ZNF462: variants seen among roughly 807,000 people sequenced by gnomAD.
ZNF462 encodes zinc finger protein 462.
In ZNF462, 10 loss-of-function variants were observed where a neutral mutation model predicts 201.9. The observed-to-expected ratio is 0.05, with a 90% CI of 0.03 to 0.08. The LOEUF (loss-of-function observed/expected upper bound fraction) is 0.08. Among genes scored for constraint, ZNF462 ranks in the 10% least tolerant of loss-of-function variants. The pLI is 1.00. For synonymous variants in ZNF462, 1,227 were observed against 1,193.3 expected (o/e 1.03, Z -0.58); for missense variants, 2,523 against 3,168.3 (o/e 0.80, Z 4.89).
In ZNF462 at chr9:106,929,804, C is replaced by G; in HGVS notation, c.5847+45C>G. The G allele has an allele frequency of 6.6e-7, 1 of 1,524,604 alleles. No homozygotes were observed. Among genetic ancestry groups the G allele is most frequent in the Non-Finnish European group, 8.9e-7 (1 of 1,122,712 alleles). 94.4% of individuals were successfully genotyped at this position (1,524,604 alleles called of 1,614,324 possible). A position where few individuals can be genotyped will look rare whatever the true frequency, so the allele number is the denominator to read the frequency against. The stretch of plus-strand genomic sequence containing the variant: ...TCCCTTCCCCCAGGAGGCCTCTCAT[C>G]ACTGGTGCCCACATGCACTTCTTCG... On this transcript the variant is annotated intron_variant, in intron 3 of 12. Coordinates refer to ENST00000277225, the MANE Select transcript of ZNF462 (RefSeq NM_021224.6). This position sits in a 1 kb window ranked among gnomAD's most constrained non-coding sequence, Gnocchi z 8.7.
intron 1 of ZNF462, among the ~76,000 whole-genome samples, chr9:106,900,600 C>T (rs116417928): frequency 0.012 from 1,843 of 152,154 alleles, 31 homozygotes; most frequent in African/African-American, 0.042. Flanking sequence ...AGTAAGATGG[C>T]ATTGCATTGT....
At position 106,981,005 on chromosome 9, in the gene ZNF462, C is replaced by T. The variant is rs1827387402; in HGVS notation, c.6833-3181C>T. On this transcript the variant is annotated intron_variant, in intron 9 of 12. Coordinates refer to ENST00000277225, the MANE Select transcript of ZNF462 (RefSeq NM_021224.6). This position sits in a 1 kb window ranked among gnomAD's most constrained non-coding sequence, Gnocchi z 4.0. ...AGAATGAATGACCTCATTCAGAAAA[C>T]ACTGTCAGTCATTTGCCCACCTTTT... is the stretch of plus-strand genomic sequence containing the variant. Among the ~76,000 whole-genome samples the T allele has an allele frequency of 6.6e-6, 1 of 152,192 alleles. No individual in the cohort carries two copies.
intron 6 of ZNF462, among the ~76,000 whole-genome samples, chr9:106,936,166 A>G (rs1334241414): frequency 1.3e-5 from 2 of 152,184 alleles, no homozygotes; most frequent in African/African-American, 2.4e-5. Context: ...TACTCATTAG[A>G]AAAAATTGGA....
At chr9:106,951,818 T>C (rs145180961) in intron 7 of ZNF462, among the ~76,000 whole-genome samples, 2 of 151,776 alleles carry the variant, frequency 1.3e-5, no homozygotes, top group Non-Finnish European at 2.9e-5. Flanking sequence ...AGATGTTCCA[T>C]GGAACCTCTT....
chr9:106,990,635 A>G (rs1316375021), intron 10 of ZNF462, among the ~76,000 whole-genome samples: 2 of 151,832 alleles, frequency 1.3e-5, no homozygotes, highest in Admixed American at 6.6e-5. Context: ...TCTCTTCCTC[A>G]TGGTTGACCA....
Position 106,932,344 on chromosome 9 carries a change from G to A in ZNF462, c.6013-102G>A, listed in dbSNP as rs1830458482. ...CGCCAGTGGCGCCCTGGTGGGCCGG[G>A]TGGATGGTGAACACTGCTTGCTTGA... On this transcript the variant is annotated intron_variant, in intron 4 of 12. Transcript: ENST00000277225. This position sits in a 1 kb window ranked among gnomAD's most constrained non-coding sequence, Gnocchi z 6.8. 1.9e-6 allele frequency: 3 copies of A among 1,576,830 alleles called. No individual in the cohort carries two copies. The highest frequency in any genetic ancestry group is 3.7e-5 in the Admixed American group (2 of 54,006).
At chr9:106,945,878 GCAA>G (rs1831083062) in intron 7 of ZNF462, among the ~76,000 whole-genome samples, 1 of 152,196 alleles carries the variant, frequency 6.6e-6, no homozygotes, top group Non-Finnish European at 1.5e-5. Flanking sequence ...TGCCTCAGTG[GCAA>G]AGAGCAACCC....
chr9:106,864,799 GT>G (rs1047623693), intron 1 of ZNF462, among the ~76,000 whole-genome samples: 9 of 152,162 alleles, frequency 5.9e-5, no homozygotes, highest in African/African-American at 2.2e-4. Flanking sequence ...TGTGTTGGCT[GT>G]TTGGTTTGCT....
At position 106,930,745 on chromosome 9, in the gene ZNF462, T is replaced by C; in HGVS notation, c.6012+56T>C. 6.3e-7 allele frequency: 1 copy of C among 1,597,414 alleles called. No homozygotes were observed. On this transcript the variant is annotated intron_variant, in intron 4 of 12. Transcript: ENST00000277225. The surrounding 1 kb of genome is among the most constrained non-coding windows in gnomAD (Gnocchi z 5.8). ...TGTGTGAGCGATTCGAGTTACTTAT[T>C]AACCCCATTGCCTAAAGCAGCTCAG...
intron 1 of ZNF462, among the ~76,000 whole-genome samples, chr9:106,884,724 G>GT (rs1001587998): frequency 6.6e-6 from 1 of 152,042 alleles, no homozygotes; most frequent in Non-Finnish European, 1.5e-5. Context: ...TACATTTTTG[G>GT]TTTTTTTGTT....
intron 11 of ZNF462, among the ~76,000 whole-genome samples, chr9:107,007,344 A>G (rs1323934463): frequency 6.6e-6 from 1 of 152,184 alleles, no homozygotes; most frequent in Non-Finnish European, 1.5e-5. Context: ...CCTACTTGGC[A>G]GCCCCCTTTT....
In ZNF462 at chr9:106,865,597, G is replaced by A. The variant is rs540224715; in HGVS notation, c.-31+2242G>A. 3.3e-5 allele frequency among the ~76,000 whole-genome samples: 5 copies of A among 152,132 alleles called. No homozygotes were observed. The highest frequency in any genetic ancestry group is 7.4e-5 in the Non-Finnish European group (5 of 68,018). On this transcript the variant is annotated intron_variant, in intron 1 of 12. Coordinates refer to ENST00000277225, the MANE Select transcript of ZNF462 (RefSeq NM_021224.6). The surrounding 1 kb of genome is among the most constrained non-coding windows in gnomAD (Gnocchi z 4.1). ...CATTTGTATGTTAGGCCTTCTTTCA[G>A]TTTCTTTGTTTCCCCTTTCCCTTTC... is the stretch of plus-strand genomic sequence containing the variant.
At chr9:106,971,934 CAG>C in intron 7 of ZNF462, 69 bp from the exon 8 acceptor site, 2 of 1,528,408 alleles carry the variant, frequency 1.3e-6, no homozygotes, top group South Asian at 1.3e-5. Flanking sequence ...AACCTGATGT[CAG>C]GGGTTTTCAA....
intron 7 of ZNF462, among the ~76,000 whole-genome samples, chr9:106,947,611 T>C (rs1342216290): frequency 6.6e-6 from 1 of 152,244 alleles, no homozygotes; most frequent in African/African-American, 2.4e-5. Flanking sequence ...GCCTTAAATA[T>C]GTCATCTGCT....
At position 106,977,563 on chromosome 9, in the gene ZNF462, A is replaced by G. The variant is rs147262449; in HGVS notation, c.6832+3290A>G. ...GCAAAAGAGAGTATGATGTTTACTCATGTGTTCAGCAAACATTCATTATTT... is the reference window on the plus strand; with the variant it reads ...GCAAAAGAGAGTATGATGTTTACTCGTGTGTTCAGCAAACATTCATTATTT... On this transcript the variant is annotated intron_variant, in intron 9 of 12. Transcript: ENST00000277225. This position sits in a 1 kb window ranked among gnomAD's most constrained non-coding sequence, Gnocchi z 4.6. 1.5e-3 allele frequency among the ~76,000 whole-genome samples: 230 copies of G among 151,732 alleles called. 12 individuals carry two copies. The highest frequency in any genetic ancestry group is 5.4e-3 in the African/African-American group (222 of 41,006).
intron 7 of ZNF462, among the ~76,000 whole-genome samples, chr9:106,949,316 T>G (rs748506376): frequency 7.2e-5 from 11 of 152,194 alleles, no homozygotes; most frequent in Non-Finnish European, 1.0e-4. Context: ...CAATAGATAT[T>G]TCTTAAATTG....
At chr9:106,991,241 A>C (rs1220396596) in intron 10 of ZNF462, among the ~76,000 whole-genome samples, 1 of 152,062 alleles carries the variant, frequency 6.6e-6, no homozygotes, top group Non-Finnish European at 1.5e-5. Flanking sequence ...TACAAAAATC[A>C]GTTATGTTTC....
Position 107,009,805 on chromosome 9 carries a change from G to A in ZNF462, c.7313+137G>A. On this transcript the variant is annotated intron_variant, in intron 12 of 12. Coordinates refer to ENST00000277225, the MANE Select transcript of ZNF462 (RefSeq NM_021224.6). The surrounding 1 kb of genome is among the most constrained non-coding windows in gnomAD (Gnocchi z 6.1). Reference sequence around the variant, plus strand: ...TCTGGGCCGTGGGAGGAGAGGCAATGGTGAGGAACCAAGTTTCTCCTTTTC... The same window carrying A: ...TCTGGGCCGTGGGAGGAGAGGCAATAGTGAGGAACCAAGTTTCTCCTTTTC... The A allele has an allele frequency of 1.6e-6, 2 of 1,274,788 alleles. No homozygotes were observed. Among genetic ancestry groups the A allele is most frequent in the Non-Finnish European group, 2.1e-6 (2 of 942,540 alleles). The allele number at this position is 1,274,788 out of a possible 1,614,324, so 79.0% of individuals were successfully genotyped here. A position where few individuals can be genotyped will look rare whatever the true frequency, so the allele number is the denominator to read the frequency against.
In ZNF462 at chr9:106,928,557, G is replaced by C; in HGVS notation, c.4645G>C (p.Val1549Leu). Residue 1549 changes from valine (V) to leucine (L), a missense_variant, in exon 3 of 13, where the codon GTG (valine) becomes CTG (leucine). Physicochemically the swap from Val to Leu is conservative, Grantham distance 32. Transcript: ENST00000277225. The surrounding 1 kb of genome is among the most constrained non-coding windows in gnomAD (Gnocchi z 9.3). ...PSIKVTAEDF[V>L]HDVEQSADIS... ...CATCAAGGTGACCGCTGAGGACTTT[G>C]TGCACGACGTAGAGCAGTCTGCTGA... 1 of 1,614,110 alleles carries C rather than the reference G, an allele frequency of 6.2e-7. No individual in the cohort carries two copies.
Sources: gnomAD v4.1 joint callset for allele counts (sites outside exome capture counted in the v4.1 genomes callset) on GRCh38, gnomAD v4.1.1 for gene constraint, Gnocchi (gnomAD v3.1) non-coding constraint, MANE v1.5 for transcripts, NCBI Gene and HGNC (gene_info 2026-07-23, HGNC 2026-07-21) for gene names.